Variants in TMTC2 observed in about 807,000 individuals in gnomAD.
TMTC2 encodes transmembrane O-mannosyltransferase targeting cadherins 2, also known as protein O-mannosyl-transferase TMTC2.
Under a neutral mutation model 82.4 loss-of-function variants are expected in TMTC2, and 43 were observed. That is an observed-to-expected ratio of 0.52 (90% CI 0.41 to 0.67). The LOEUF (loss-of-function observed/expected upper bound fraction) is 0.67. Among genes scored for constraint, TMTC2 ranks in the 30% least tolerant of loss-of-function variants. The pLI is 0.00. For synonymous variants in TMTC2, 408 were observed against 381.9 expected, an observed-to-expected ratio of 1.07 and a Z score of -0.80; for missense variants, 919 against 1,012.4, an observed-to-expected ratio of 0.91 and a Z score of 1.25.
intron 11 of TMTC2, among the ~76,000 whole-genome samples, chr12:83,094,720 T>A (rs1457419882): frequency 6.6e-6 from 1 of 152,174 alleles, no homozygotes; most frequent in Non-Finnish European, 1.5e-5. Context: ...TGGACAGTGC[T>A]TGGTAATTCC....
At chr12:82,963,210 G>A (rs140295251) in intron 4 of TMTC2, among the ~76,000 whole-genome samples, 66 of 152,056 alleles carry the variant, frequency 4.3e-4, no homozygotes, top group Non-Finnish European at 8.8e-4. Context: ...ATAGTTAGAG[G>A]TGGATACAAG....
intron 1 of TMTC2, among the ~76,000 whole-genome samples, chr12:82,815,803 A>G (rs1868678781): frequency 6.6e-6 from 1 of 152,116 alleles, no homozygotes; most frequent in South Asian, 2.1e-4. Context: ...TCAATCTGAA[A>G]GATAACACTG....
intron 8 of TMTC2, among the ~76,000 whole-genome samples, chr12:83,011,410 A>G (rs78463280): frequency 0.016 from 2,476 of 152,378 alleles, 68 homozygotes; most frequent in African/African-American, 0.057. Flanking sequence ...ATACATGAAC[A>G]TAAGGCACTT....
intron 1 of TMTC2, among the ~76,000 whole-genome samples, chr12:82,854,807 G>A (rs1396417342): frequency 1.3e-5 from 2 of 152,068 alleles, no homozygotes; most frequent in Non-Finnish European, 2.9e-5. Context: ...TTATTATATG[G>A]ATTAGCATGG....
chr12:82,903,273 T>A (rs80205392), intron 3 of TMTC2, among the ~76,000 whole-genome samples: 1 of 152,190 alleles, frequency 6.6e-6, no homozygotes, highest in East Asian at 1.9e-4. Context: ...CCTCTTTCCA[T>A]GCTTCATTTT....
chr12:82,761,570 C>A lies in TMTC2; in HGVS notation c.83+73901C>A, dbSNP rs79300346. Among the ~76,000 whole-genome samples the A allele has an allele frequency of 4.2e-3, 636 of 152,316 alleles. 4 individuals are homozygous for A. The highest frequency in any genetic ancestry group is 0.015 in the African/African-American group (603 of 41,570). ...AGGGGTGCACACAAAACTCACATTT[C>A]TCTTAGCCACTGCCTACTACAAGTT... is the stretch of plus-strand genomic sequence containing the variant. On this transcript the variant is annotated intron_variant, in intron 1 of 11. Transcript: ENST00000321196.
chr12:83,057,464 A>C (rs1442995557), intron 10 of TMTC2, among the ~76,000 whole-genome samples: 1 of 151,976 alleles, frequency 6.6e-6, no homozygotes, highest in Non-Finnish European at 1.5e-5. Context: ...GTTTCATTGC[A>C]AGGATCTTTT....
rs1445727787 is a variant in TMTC2 at position 82,896,340 on chromosome 12, A to G, written c.1177A>G (p.Ile393Val). The change falls in exon 3 of 12, where the codon ATT (isoleucine) becomes GTT (valine). Residue 393 changes from isoleucine to valine, a missense_variant. Physicochemically the swap from Ile to Val is conservative, Grantham distance 29. Transcript: ENST00000321196. ...AACCCAGCTTCCTTCTACGGAGAAC[A>G]TTGTTGTTCTGTCTTTATCTTTGTT... ...QRTQLPSTEN[I>V]VVLSLSLLII... 2.5e-6 allele frequency: 4 copies of G among 1,614,072 alleles called. No individual in the cohort carries two copies. Among genetic ancestry groups the G allele is most frequent in the Admixed American group, 1.7e-5 (1 of 60,006 alleles).
chr12:82,886,435 G>A (rs77243954), intron 2 of TMTC2, among the ~76,000 whole-genome samples: 3,849 of 152,290 alleles, frequency 0.025, 167 homozygotes, highest in African/African-American at 0.088. Flanking sequence ...GTGTTTAGCT[G>A]GAGATGTACT....
intron 2 of TMTC2, among the ~76,000 whole-genome samples, chr12:82,874,649 T>C (rs767558480): frequency 1.3e-5 from 2 of 152,158 alleles, no homozygotes; most frequent in Non-Finnish European, 2.9e-5. Flanking sequence ...TTCTCCCTTT[T>C]ATCATGAAGT....
At chr12:82,807,344 C>G (rs1879293459) in intron 1 of TMTC2, among the ~76,000 whole-genome samples, 1 of 152,182 alleles carries the variant, frequency 6.6e-6, no homozygotes, top group South Asian at 2.1e-4. Flanking sequence ...GAACAAGCCT[C>G]TAAATTTTAT....
chr12:83,076,120 A>G (rs958510750), intron 11 of TMTC2, among the ~76,000 whole-genome samples: 2 of 152,168 alleles, frequency 1.3e-5, no homozygotes, highest in African/African-American at 4.8e-5. Context: ...CCTAAACTGA[A>G]TTTACAGTTT....
chr12:82,896,693 C>T, intron 3 of TMTC2, 47 bp downstream of exon 3: 8 of 1,443,452 alleles, frequency 5.5e-6, no homozygotes, highest in Non-Finnish European at 7.5e-6. Context: ...ACACTTTCAG[C>T]CTCTTTATAT....
At chr12:82,859,456 A>C (rs1871421214) in intron 2 of TMTC2, among the ~76,000 whole-genome samples, 1 of 152,196 alleles carries the variant, frequency 6.6e-6, no homozygotes, top group Admixed American at 6.6e-5. Flanking sequence ...GCAGGACCTT[A>C]CGAAGTTCTC....
intron 4 of TMTC2, among the ~76,000 whole-genome samples, chr12:82,942,854 A>G (rs988320918): frequency 6.6e-6 from 1 of 152,340 alleles, no homozygotes; most frequent in African/African-American, 2.4e-5. Context: ...AGAAAAAAAA[A>G]CAAAAGATGA....
At chr12:82,713,336 A>AAAAAAC (rs1231709803) in intron 1 of TMTC2, among the ~76,000 whole-genome samples, 2 of 152,144 alleles carry the variant, frequency 1.3e-5, no homozygotes, top group African/African-American at 4.8e-5. Context: ...GAAAAACAAA[A>AAAAAAC]AAAAACAAAA....
chr12:82,981,667 G>C (rs1316941384), intron 7 of TMTC2, among the ~76,000 whole-genome samples: 1 of 151,666 alleles, frequency 6.6e-6, no homozygotes, highest in Non-Finnish European at 1.5e-5. Context: ...TTCTATTATT[G>C]TAAGTTAAGA....
chr12:83,118,851 C>G (rs1251307470), intron 11 of TMTC2, among the ~76,000 whole-genome samples: 1 of 152,084 alleles, frequency 6.6e-6, no homozygotes, highest in Non-Finnish European at 1.5e-5. Flanking sequence ...TTGATCTGTT[C>G]AGGGTGTCTA....
chr12:82,740,246 C>T (rs1429906629), intron 1 of TMTC2, among the ~76,000 whole-genome samples: 1 of 152,120 alleles, frequency 6.6e-6, no homozygotes. Context: ...AGGGAATCTG[C>T]ATTCTGGAAA....
Sources: gnomAD v4.1 joint callset for allele counts (sites outside exome capture counted in the v4.1 genomes callset) on GRCh38, gnomAD v4.1.1 for gene constraint, MANE v1.5 for transcripts, NCBI Gene and HGNC (gene_info 2026-07-23, HGNC 2026-07-21) for gene names.